Variants in DIP2A observed in about 807,000 individuals in gnomAD.
DIP2A encodes DIP2 acetate--CoA ligase A, also known as disco-interacting protein 2 homolog A.
DIP2A carries 85 observed loss-of-function variants against 177.4 expected under a neutral mutation model. The ratio of observed to expected loss-of-function variants is 0.48; its 90% CI spans 0.40 to 0.57. DIP2A has a LOEUF of 0.57. Among genes scored for constraint, DIP2A ranks in the 20% least tolerant of loss-of-function variants. The pLI, the probability that DIP2A is intolerant of heterozygous loss-of-function variation, is 0.00. For synonymous variants in DIP2A, 886 were observed against 881.8 expected, an observed-to-expected ratio of 1.00 and a Z score of -0.08; for missense variants, 1,791 against 2,100.2, an observed-to-expected ratio of 0.85 and a Z score of 2.88.
intron 1 of DIP2A, among the ~76,000 whole-genome samples, chr21:46,479,589 G>A (rs564329895): frequency 1.3e-5 from 2 of 152,008 alleles, no homozygotes; most frequent in African/African-American, 2.4e-5. Context: ...GCAGTGGTGC[G>A]ATCATAGCTC....
In DIP2A at chr21:46,509,189, C is replaced by T; in HGVS notation, c.785-68C>T. The stretch of plus-strand genomic sequence containing the variant: ...ATGCATCGTGTGGTTTGTCCTTGGA[C>T]CTTACACCTGTGTCCACTTCTTCAG... On this transcript the variant is annotated intron_variant, in intron 6 of 37. Coordinates refer to ENST00000417564, the MANE Select transcript of DIP2A (RefSeq NM_015151.4). The T allele has an allele frequency of 2.0e-6, 3 of 1,524,876 alleles. No individual in the cohort carries two copies. The South Asian group carries it at 4.0e-5, about 20-fold the overall frequency. The allele number at this position is 1,524,876 out of a possible 1,614,324, so 94.5% of individuals were successfully genotyped here.
intron 13 of DIP2A, 48 bp downstream of exon 13, chr21:46,534,735 A>T: frequency 6.7e-7 from 1 of 1,497,590 alleles, no homozygotes; most frequent in Non-Finnish European, 9.1e-7. Flanking sequence ...CCTCACACAG[A>T]TACCTGACGT....
intron 17 of DIP2A, among the ~76,000 whole-genome samples, chr21:46,541,167 C>T (rs921391639): frequency 3.9e-5 from 6 of 152,112 alleles, no homozygotes; most frequent in South Asian, 2.1e-4. Flanking sequence ...TTGGAGGAAA[C>T]GCCTGTTGCT....
chr21:46,561,633 C>G, intron 33 of DIP2A, 115 bp from the exon 34 acceptor site: 2 of 1,335,286 alleles, frequency 1.5e-6, no homozygotes, highest in South Asian at 2.4e-5. Context: ...GGTTGACATC[C>G]TGACTGTTGT....
chr21:46,573,988 CAACA>C (rs1272320378), downstream of DIP2A, among the ~76,000 whole-genome samples: 1 of 152,018 alleles, frequency 6.6e-6, no homozygotes, highest in African/African-American at 2.4e-5. Flanking sequence ...TTAAACAGCA[CAACA>C]AACTAACTAG....
At chr21:46,504,288 G>A in intron 5 of DIP2A, 73 bp from the exon 6 acceptor site, 14 of 1,576,994 alleles carry the variant, frequency 8.9e-6, no homozygotes, top group Non-Finnish European at 1.0e-5. Context: ...TAGACTAACG[G>A]GGTTTCAAGA....
intron 36 of DIP2A, 123 bp downstream of exon 36, chr21:46,566,010 G>T: frequency 8.5e-7 from 1 of 1,170,642 alleles, no homozygotes; most frequent in Non-Finnish European, 1.2e-6. Context: ...TCCTTGTGGG[G>T]GGAAGATGTT....
At chr21:46,545,765 T>C (rs756954355) in intron 19 of DIP2A, 116 bp from the exon 20 acceptor site, 21 of 1,240,728 alleles carry the variant, frequency 1.7e-5, no homozygotes, top group Non-Finnish European at 1.5e-5. Context: ...AGCCTCCTTT[T>C]TCCCCCTGGC....
intron 8 of DIP2A, among the ~76,000 whole-genome samples, chr21:46,519,798 G>A (rs1298163580): frequency 7.0e-6 from 1 of 143,236 alleles, no homozygotes; most frequent in African/African-American, 2.6e-5. Flanking sequence ...TTGGAACTAA[G>A]ATGATATGGG....
At position 46,498,679 on chromosome 21, in the gene DIP2A, C is replaced by T. The variant is rs754405467; in HGVS notation, c.501C>T (p.Leu167=). Residue 167 remains leucine, a synonymous_variant, in exon 5 of 38, where the codon CTC becomes CTT. Coordinates refer to ENST00000417564, the MANE Select transcript of DIP2A (RefSeq NM_015151.4). This position sits in a 1 kb window ranked among gnomAD's most constrained non-coding sequence, Gnocchi z 4.3. ...LQSHSSVEPW[L]DRVIQGSSTS... Reference sequence around the variant, plus strand: ...GCCATTCCAGCGTCGAGCCCTGGCTCGACCGGGTCATTCAGGGCTCGTCCA... The same window carrying T: ...GCCATTCCAGCGTCGAGCCCTGGCTTGACCGGGTCATTCAGGGCTCGTCCA... 44 of 1,613,718 alleles carry T rather than the reference C, an allele frequency of 2.7e-5. No individual in the cohort carries two copies. Among genetic ancestry groups the T allele is most frequent in the African/African-American group, 1.1e-4 (8 of 74,942 alleles).
chr21:46,491,693 C>T (rs1450793868), intron 3 of DIP2A, among the ~76,000 whole-genome samples: 1 of 152,190 alleles, frequency 6.6e-6, no homozygotes, highest in Non-Finnish European at 1.5e-5. Context: ...CAGATGCACG[C>T]ACACATGTGT....
intron 8 of DIP2A, among the ~76,000 whole-genome samples, chr21:46,518,649 G>A (rs995583028): frequency 1.3e-5 from 2 of 152,168 alleles, no homozygotes; most frequent in African/African-American, 4.8e-5. Flanking sequence ...TTGAGGCTAG[G>A]AGTTTGAGAC....
At chr21:46,566,845 T>C (rs9979129) in intron 37 of DIP2A, among the ~76,000 whole-genome samples, 162 bp downstream of exon 37, 19,733 of 152,240 alleles carry the variant, frequency 0.13, 1,790 homozygotes, top group African/African-American at 0.26. Flanking sequence ...GCCATGTAGA[T>C]GAGCCCTATC....
chr21:46,554,964 C>T, intron 28 of DIP2A, 31 bp downstream of exon 28: 4 of 1,538,156 alleles, frequency 2.6e-6, no homozygotes, highest in Non-Finnish European at 3.5e-6. Flanking sequence ...CAGGACCAGT[C>T]CCTTTTCCTT....
intron 8 of DIP2A, among the ~76,000 whole-genome samples, chr21:46,518,561 T>A (rs1452620976): frequency 5.3e-5 from 8 of 152,182 alleles, no homozygotes; most frequent in Admixed American, 2.0e-4. Flanking sequence ...TTACACATTT[T>A]TTCTGTAGTG....
intron 9 of DIP2A, 60 bp from the exon 10 acceptor site, chr21:46,532,056 CTAGCTTTTAAT>C (rs1235147308): frequency 7.1e-7 from 1 of 1,414,386 alleles, no homozygotes; most frequent in Non-Finnish European, 9.6e-7. Context: ...TTATTTATAA[CTAGCTTTTAAT>C]TTAACTAGAT....
At position 46,566,650 on chromosome 21, in the gene DIP2A, C is replaced by G; in HGVS notation, c.4430C>G (p.Ser1477Cys). 6.2e-7 allele frequency: 1 copy of G among 1,614,236 alleles called. No individual in the cohort carries two copies. The highest frequency in any genetic ancestry group is 8.5e-7 in the Non-Finnish European group (1 of 1,180,028). The change falls in exon 37 of 38, where the codon TCT becomes TGT. Residue 1477 changes from serine to cysteine, a missense_variant. Transcript: ENST00000417564. ...TACCACCCCATCGACATTGAGACCT[C>G]TGTCATCCGAGCACACAGGAGCATC... is the stretch of plus-strand genomic sequence containing the variant. ...MRYHPIDIETSVIRAHRSIAE... is the reference protein window; with the variant it reads ...MRYHPIDIETCVIRAHRSIAE...
In DIP2A at chr21:46,534,669, G is replaced by A. The variant is rs757413107; in HGVS notation, c.1624G>A (p.Ala542Thr). 5.6e-6 allele frequency: 9 copies of A among 1,610,132 alleles called. No individual in the cohort carries two copies. In the Admixed American group the frequency reaches 1.0e-4, roughly 18 times the overall value. The change falls in exon 13 of 38, where the codon GCG becomes ACG. Residue 542 changes from alanine to threonine, a missense_variant. Coordinates refer to ENST00000417564, the MANE Select transcript of DIP2A (RefSeq NM_015151.4). ...GGCACAGTGCCGGGCTCTGACCCAGGCGTGCGGGTACTCAGAAGGTAAGGG... is the reference window on the plus strand; with the variant it reads ...GGCACAGTGCCGGGCTCTGACCCAGACGTGCGGGTACTCAGAAGGTAAGGG... ...LLAQCRALTQ[A>T]CGYSEAETLT...
At chr21:46,473,921 A>T (rs2148347524) in intron 1 of DIP2A, among the ~76,000 whole-genome samples, 1 of 152,322 alleles carries the variant, frequency 6.6e-6, no homozygotes, top group Non-Finnish European at 1.5e-5. Flanking sequence ...ATTTCTGCAT[A>T]ATCTCTTTTG....
Sources: allele counts gnomAD v4.1 joint callset (sites outside exome capture counted in the v4.1 genomes callset), GRCh38; gene constraint gnomAD v4.1.1; non-coding constraint Gnocchi (gnomAD v3.1); transcripts MANE v1.5; gene names NCBI Gene and HGNC (gene_info 2026-07-23, HGNC 2026-07-21).